Variants in MTRF1 observed in about 807,000 individuals in gnomAD.
MTRF1 encodes the protein peptide chain release factor 1, mitochondrial.
In MTRF1, 51 loss-of-function variants were observed where a neutral mutation model predicts 62.9. That is an observed-to-expected ratio of 0.81 (90% CI 0.65 to 1.02). MTRF1 has a LOEUF of 1.02. Ranked by LOEUF, MTRF1 falls within the 50% of genes least tolerant of loss-of-function variation. MTRF1 has a pLI of 0.00. For missense variants in MTRF1, 446 were observed against 530.0 expected (o/e 0.84, Z 1.56); for synonymous variants, 158 against 181.9 (o/e 0.87, Z 1.06).
chr13:41,241,276 C>T (rs914030768), intron 5 of MTRF1, among the ~76,000 whole-genome samples: 14 of 152,300 alleles, frequency 9.2e-5, no homozygotes, highest in African/African-American at 3.4e-4. Context: ...GAACTCCTGA[C>T]CTCATGATCT....
intron 5 of MTRF1, among the ~76,000 whole-genome samples, chr13:41,247,841 GTTA>G (rs2038479447): frequency 6.6e-6 from 1 of 152,014 alleles, no homozygotes; most frequent in African/African-American, 2.4e-5. Context: ...CACAGAATTG[GTTA>G]TTTTCACATT....
chr13:41,252,404 G>A (rs1056032689), intron 5 of MTRF1: 8 of 312,318 alleles, frequency 2.6e-5, no homozygotes, highest in African/African-American at 1.7e-4. Flanking sequence ...GTTCCTCAGG[G>A]GAATTTTCTC....
chr13:41,305,587 G>C, the MTRF1 span, among the ~76,000 whole-genome samples: 3 of 152,188 alleles, frequency 2.0e-5, no homozygotes, highest in Admixed American at 1.3e-4. Flanking sequence ...CCAGAGAGGA[G>C]AGACAAGTTC....
chr13:41,263,246 A>C (rs2040673931), intron 1 of MTRF1: 1 of 1,287,082 alleles, frequency 7.8e-7, no homozygotes, highest in Admixed American at 2.3e-5. Context: ...AAACAAAACA[A>C]GATGTTTACT....
At chr13:41,287,882 AT>A in the MTRF1 span, 1 of 379,442 alleles carries the variant, frequency 2.6e-6, no homozygotes, top group Non-Finnish European at 5.2e-6. Context: ...CAATCTCCTT[AT>A]TCCTGGCTAA....
At chr13:41,249,402 G>A (rs982652545) in intron 5 of MTRF1, among the ~76,000 whole-genome samples, 2 of 151,672 alleles carry the variant, frequency 1.3e-5, no homozygotes, top group African/African-American at 2.4e-5. Context: ...TTAGCCGGGC[G>A]TAGTGGCGGG....
Position 41,241,119 on chromosome 13 carries a change from G to A in MTRF1, c.698-686C>T, listed in dbSNP as rs1351684324. ...GTGTGCAGTGGTGCAATCTCGGCTC[G>A]CTACAACCTCTGCCTCCTGGGTTCA... On this transcript the variant is annotated intron_variant, in intron 5 of 9. Transcript: ENST00000379480. 4.6e-5 allele frequency among the ~76,000 whole-genome samples: 7 copies of A among 152,150 alleles called. No homozygotes were observed. The East Asian group carries it at 1.2e-3, about 25-fold the overall frequency.
At chr13:41,287,871 C>A in the MTRF1 span, 1 of 345,634 alleles carries the variant, frequency 2.9e-6, no homozygotes, top group South Asian at 2.8e-5. Context: ...TTTTAAAGCG[C>A]CAATCTCCTT....
At chr13:41,252,380 A>G in intron 5 of MTRF1, 1 of 251,870 alleles carries the variant, frequency 4.0e-6, no homozygotes, top group Non-Finnish European at 7.5e-6. Context: ...TTTTGAGGCA[A>G]GATACGTATC....
the MTRF1 span, among the ~76,000 whole-genome samples, chr13:41,293,607 A>C: frequency 6.6e-6 from 1 of 152,210 alleles, no homozygotes; most frequent in Non-Finnish European, 1.5e-5. Context: ...ACTTCACTTT[A>C]AGGCTCTTAT....
Position 41,249,619 on chromosome 13 carries a change from C to CTTTTTTTTTTTTTTTT in MTRF1, c.697+3010_697+3025dup, listed in dbSNP as rs1166204914. On this transcript the variant is annotated intron_variant, in intron 5 of 9. Coordinates refer to ENST00000379480, the MANE Select transcript of MTRF1 (RefSeq NM_004294.4). ...TATTCTTAGTCTTTGATTTTTTTTT[C>CTTTTTTTTTTTTTTTT]TTTTTTTTTTTTTTTTTTTTTTTTT... is the stretch of plus-strand genomic sequence containing the variant. Among the ~76,000 whole-genome samples the CTTTTTTTTTTTTTTTT allele has an allele frequency of 2.2e-3, 137 of 61,546 alleles. 7 individuals carry two copies. The highest frequency in any genetic ancestry group is 2.4e-3 in the Non-Finnish European group (88 of 37,294). The allele number at this position is 61,546 out of a possible 152,430, so 40.4% of individuals were successfully genotyped here.
the MTRF1 span, among the ~76,000 whole-genome samples, chr13:41,302,628 C>T: frequency 1.3e-5 from 2 of 151,868 alleles, no homozygotes; most frequent in African/African-American, 2.4e-5. Context: ...CTCCTGGGCT[C>T]AAGTGATCCT....
intron 6 of MTRF1, among the ~76,000 whole-genome samples, chr13:41,236,899 C>T (rs1422241616): frequency 6.6e-6 from 1 of 152,008 alleles, no homozygotes; most frequent in African/African-American, 2.4e-5. Flanking sequence ...TAGTGAAATG[C>T]CACTGAATGA....
the MTRF1 span, among the ~76,000 whole-genome samples, chr13:41,280,737 C>T: frequency 6.6e-6 from 1 of 152,198 alleles, no homozygotes; most frequent in Non-Finnish European, 1.5e-5. Flanking sequence ...ATATTTGCCT[C>T]AGAATAAATC....
the MTRF1 span, among the ~76,000 whole-genome samples, chr13:41,277,637 G>T: frequency 6.6e-6 from 1 of 152,152 alleles, no homozygotes; most frequent in Non-Finnish European, 1.5e-5. Context: ...CACATGCTTA[G>T]CTCTTCAAAA....
the MTRF1 span, among the ~76,000 whole-genome samples, chr13:41,301,743 G>A: frequency 4.7e-5 from 7 of 150,504 alleles, no homozygotes; most frequent in East Asian, 3.9e-4. Flanking sequence ...GTGAGACTCC[G>A]TCTCAAAAAA....
chr13:41,243,528 C>T (rs1284851752), intron 5 of MTRF1, among the ~76,000 whole-genome samples: 1 of 151,956 alleles, frequency 6.6e-6, no homozygotes, highest in Non-Finnish European at 1.5e-5. Context: ...GGACTCTGGG[C>T]TCAGGGAACT....
At chr13:41,238,341 T>C (rs904564843) in intron 6 of MTRF1, among the ~76,000 whole-genome samples, 2 of 152,140 alleles carry the variant, frequency 1.3e-5, no homozygotes, top group Non-Finnish European at 2.9e-5. Flanking sequence ...CTGGGACTAT[T>C]TGAAGGTAAA....
intron 9 of MTRF1, among the ~76,000 whole-genome samples, chr13:41,217,899 G>A (rs867711702): frequency 1.3e-5 from 2 of 152,092 alleles, no homozygotes; most frequent in Non-Finnish European, 2.9e-5. Flanking sequence ...TTTTTAAACC[G>A]AAAACATGAT....
Sources: gnomAD v4.1 joint callset for allele counts (sites outside exome capture counted in the v4.1 genomes callset) on GRCh38, gnomAD v4.1.1 for gene constraint, MANE v1.5 for transcripts, NCBI Gene and HGNC (gene_info 2026-07-23, HGNC 2026-07-21) for gene names.